PCBP3: variants seen among roughly 807,000 people sequenced by gnomAD.
PCBP3 encodes the protein poly(rC) binding protein 3, also known as poly(rC)-binding protein 3.
PCBP3 carries 25 observed loss-of-function variants against 52.7 expected under a neutral mutation model. The ratio of observed to expected loss-of-function variants is 0.47; its 90% CI spans 0.35 to 0.66. The LOEUF (loss-of-function observed/expected upper bound fraction) is 0.66, where lower values mean the gene tolerates loss of function less well. PCBP3 is among the 30% of genes least tolerant of loss of function. The probability of loss-of-function intolerance (pLI) is 0.01; values close to 1 mark genes in which losing one functional copy is unlikely to be tolerated. For synonymous variants in PCBP3, 162 were observed against 183.0 expected, an observed-to-expected ratio of 0.89 and a Z score of 0.93; for missense variants, 391 against 490.3, an observed-to-expected ratio of 0.80 and a Z score of 1.91.
rs1603448553 is a variant in PCBP3, at chr21:45,837,777, C to T, written c.-125-12184C>T. 1.3e-5 allele frequency among the ~76,000 whole-genome samples: 2 copies of T among 152,164 alleles called. No homozygotes were observed. The highest frequency in any genetic ancestry group is 4.8e-5 in the African/African-American group (2 of 41,448). ...GGCATGATGAGGCGTGTGGTCTGGC[C>T]GCTCCTTCACTGGTGCTGAGACTGA... On this transcript the variant is annotated intron_variant, in intron 4 of 17. Coordinates refer to ENST00000681687, the MANE Select transcript of PCBP3 (RefSeq NM_001384156.1). This position sits in a 1 kb window ranked among gnomAD's most constrained non-coding sequence, Gnocchi z 4.1.
At position 45,806,892 on chromosome 21, in the gene PCBP3, G is replaced by T. The variant is rs558871951; in HGVS notation, c.-125-43069G>T. 5.4e-4 allele frequency among the ~76,000 whole-genome samples: 82 copies of T among 152,268 alleles called. No individual in the cohort carries two copies. In the Middle Eastern group the frequency reaches 0.01, roughly 19 times the overall value. On this transcript the variant is annotated intron_variant, in intron 4 of 17. Coordinates refer to ENST00000681687, the MANE Select transcript of PCBP3 (RefSeq NM_001384156.1). ...TGTTCTTTCTCATCAGATGCTCCGA[G>T]CTCCTTGTCATTGGCTCCTGTATGC...
chr21:45,851,363 T>C (rs1249525661), intron 5 of PCBP3, among the ~76,000 whole-genome samples: 2 of 152,092 alleles, frequency 1.3e-5, no homozygotes, highest in Non-Finnish European at 2.9e-5. Flanking sequence ...AATACAAAAA[T>C]TAGCCAGGTG....
In PCBP3 at chr21:45,914,336, G is replaced by C. The variant is rs559492603; in HGVS notation, c.675+311G>C. ...TTTAGGAAGCTTAGATAGCCGGCGC[G>C]CAGGCGCTTTCTAGGTGATTTTACG... On this transcript the variant is annotated intron_variant, in intron 12 of 17. Transcript: ENST00000681687. The C allele has an allele frequency of 2.7e-5, 14 of 514,474 alleles. No homozygotes were observed. The South Asian group carries it at 3.7e-4, about 13-fold the overall frequency. 31.9% of individuals were successfully genotyped at this position (514,474 alleles called of 1,614,324 possible). A position where few individuals can be genotyped will look rare whatever the true frequency, so the allele number is the denominator to read the frequency against.
chr21:45,646,049 C>T (rs1702149092), intron 1 of PCBP3, among the ~76,000 whole-genome samples: 1 of 143,838 alleles, frequency 7.0e-6, no homozygotes, highest in African/African-American at 2.6e-5. Context: ...TCCGTGTCAC[C>T]TGTTTCTCTC....
chr21:45,748,034 G>C (rs879903444), intron 3 of PCBP3: 1 of 152,408 alleles, frequency 6.6e-6, no homozygotes, highest in Non-Finnish European at 1.5e-5. Flanking sequence ...GCGGCCCTGC[G>C]TGCAGAGACA....
At chr21:45,795,724 A>T (rs2091890766) in intron 4 of PCBP3, among the ~76,000 whole-genome samples, 1 of 152,258 alleles carries the variant, frequency 6.6e-6, no homozygotes, top group Non-Finnish European at 1.5e-5. Flanking sequence ...GGAAAAATGA[A>T]TGAAGATAAA....
intron 2 of PCBP3, among the ~76,000 whole-genome samples, chr21:45,726,198 G>A (rs193166901): frequency 3.9e-5 from 6 of 152,266 alleles, no homozygotes; most frequent in Admixed American, 1.3e-4. Flanking sequence ...CAAGGTAGGA[G>A]GGGTTAAGGA....
intron 2 of PCBP3, among the ~76,000 whole-genome samples, chr21:45,709,221 C>T (rs562433254): frequency 1.6e-4 from 24 of 152,288 alleles, no homozygotes; most frequent in African/African-American, 5.8e-4. Context: ...TCGGAACATT[C>T]GGCCTCTTAA....
intron 2 of PCBP3, among the ~76,000 whole-genome samples, chr21:45,688,278 C>T (rs1432771052): frequency 1.3e-5 from 2 of 152,068 alleles, no homozygotes; most frequent in East Asian, 1.9e-4. Context: ...CTGAAGAATA[C>T]AAACTAATTT....
chr21:45,885,287 G>A (rs1156930587), intron 5 of PCBP3, among the ~76,000 whole-genome samples: 1 of 152,106 alleles, frequency 6.6e-6, no homozygotes, highest in East Asian at 1.9e-4. Context: ...GTAGCATGGG[G>A]TCATGTCCCT....
intron 4 of PCBP3, among the ~76,000 whole-genome samples, chr21:45,806,238 C>T (rs987252984): frequency 4.6e-5 from 7 of 152,194 alleles, no homozygotes; most frequent in East Asian, 1.9e-4. Flanking sequence ...CTGGATGGAA[C>T]GGCGGCCTTT....
chr21:45,804,755 T>A (rs1430711047), intron 4 of PCBP3, among the ~76,000 whole-genome samples: 1 of 152,050 alleles, frequency 6.6e-6, no homozygotes, highest in Non-Finnish European at 1.5e-5. Flanking sequence ...TGAAGATAGT[T>A]TCTGAAACCT....
chr21:45,883,281 A>G (rs896011645), intron 5 of PCBP3, among the ~76,000 whole-genome samples: 28 of 152,226 alleles, frequency 1.8e-4, no homozygotes, highest in African/African-American at 6.5e-4. Flanking sequence ...ATTCTGTTAA[A>G]TTTGCTGAGG....
chr21:45,927,689 CA>C (rs2075654558), intron 13 of PCBP3, among the ~76,000 whole-genome samples: 1 of 151,996 alleles, frequency 6.6e-6, no homozygotes, highest in Non-Finnish European at 1.5e-5. Flanking sequence ...CTAGTGTGGT[CA>C]TTTCATCATA....
At chr21:45,730,902 C>T (rs1184779595) in intron 2 of PCBP3, among the ~76,000 whole-genome samples, 1 of 151,750 alleles carries the variant, frequency 6.6e-6, no homozygotes. Context: ...TTTCTTTTAA[C>T]CTCTGTGTAT....
At chr21:45,883,059 C>G (rs1455203070) in intron 5 of PCBP3, among the ~76,000 whole-genome samples, 1 of 152,226 alleles carries the variant, frequency 6.6e-6, no homozygotes, top group Non-Finnish European at 1.5e-5. Flanking sequence ...CTCAGCACTG[C>G]TGTAGTTGTG....
chr21:45,768,153 T>A (rs1213355682), intron 4 of PCBP3, among the ~76,000 whole-genome samples: 1 of 152,130 alleles, frequency 6.6e-6, no homozygotes, highest in Non-Finnish European at 1.5e-5. Flanking sequence ...CACCCTTTGG[T>A]GGGGAGAGCC....
At chr21:45,812,977 T>G (rs552623062) in intron 4 of PCBP3, among the ~76,000 whole-genome samples, 1 of 152,352 alleles carries the variant, frequency 6.6e-6, no homozygotes, top group Non-Finnish European at 1.5e-5. Flanking sequence ...TTCAGCAGTT[T>G]GACTAGAATG....
At position 45,675,928 on chromosome 21, in the gene PCBP3, A is replaced by T. The variant is rs573577628; in HGVS notation, c.-200+6976A>T. 4.6e-5 allele frequency among the ~76,000 whole-genome samples: 7 copies of T among 152,334 alleles called. No homozygotes were observed. The East Asian group carries it at 1.3e-3, about 29-fold the overall frequency. On this transcript the variant is annotated intron_variant, in intron 2 of 17. Transcript: ENST00000681687. ...CCAACAACATTTAAGAATGTTCTTGATGAAGTCGTAGGAATGATTAATTTT... is the reference window on the plus strand; with the variant it reads ...CCAACAACATTTAAGAATGTTCTTGTTGAAGTCGTAGGAATGATTAATTTT...
Sources: gnomAD v4.1 joint callset for allele counts (sites outside exome capture counted in the v4.1 genomes callset) on GRCh38, gnomAD v4.1.1 for gene constraint, Gnocchi (gnomAD v3.1) non-coding constraint, MANE v1.5 for transcripts, NCBI Gene and HGNC (gene_info 2026-07-23, HGNC 2026-07-21) for gene names.